The following TTN variants were observed in gnomAD, a reference collection of about 807,000 sequenced individuals.
The protein encoded by TTN is titin, also known as connectin.
In TTN, 1,525 loss-of-function variants were observed where a neutral mutation model predicts 3,223.0. The ratio of observed to expected loss-of-function variants is 0.47; its 90% CI spans 0.45 to 0.49. TTN has a LOEUF of 0.49. Ranked by LOEUF, TTN falls within the 20% of genes least tolerant of loss-of-function variation. The pLI, the probability that TTN is intolerant of heterozygous loss-of-function variation, is 0.00. For missense variants in TTN, 40,786 were observed against 43,424.0 expected (o/e 0.94, Z 5.40); for synonymous variants, 14,094 against 15,161.0 (o/e 0.93, Z 5.17).
intron 111 of TTN, 95 bp from the exon 112 acceptor site, chr2:178,699,009 T>A: frequency 1.6e-6 from 2 of 1,234,298 alleles, no homozygotes; most frequent in East Asian, 2.6e-5. Context: ...TGAAATATTT[T>A]ATTTTTCCAT....
chr2:178,740,172 T>C lies in TTN; in HGVS notation c.13061A>G (p.Asp4354Gly). Residue 4354 changes from aspartate to glycine, a missense_variant, in exon 48 of 363, where the codon GAC (aspartate) becomes GGC (glycine). Transcript: ENST00000589042. The stretch of plus-strand genomic sequence containing the variant: ...CTCTCTTTTAGACTCAATGATTTGG[T>C]CTGGGGGCATCACCACGTTGTCAGA... ...EHSDNVVMPP[D>G]QIIESKREPV... 6.2e-7 allele frequency: 1 copy of C among 1,613,644 alleles called. No individual in the cohort carries two copies. The highest frequency in any genetic ancestry group is 8.5e-7 in the Non-Finnish European group (1 of 1,179,748).
chr2:178,754,236 T>C (rs1321120926), intron 46 of TTN, among the ~76,000 whole-genome samples: 1 of 152,104 alleles, frequency 6.6e-6, no homozygotes, highest in Non-Finnish European at 1.5e-5. Flanking sequence ...TGGATAACTC[T>C]GTAGCCTATA....
At chr2:178,609,086 AAT>A (rs1451722600) in intron 273 of TTN, 120 bp downstream of exon 273, 1 of 1,296,728 alleles carries the variant, frequency 7.7e-7, no homozygotes, top group African/African-American at 1.5e-5. Context: ...CAGCAGATAA[AAT>A]ATGATTGAGG....
chr2:178,625,503 A>G (rs928143642), intron 240 of TTN, 107 bp from the exon 241 acceptor site: 43 of 1,299,464 alleles, frequency 3.3e-5, no homozygotes, highest in Non-Finnish European at 4.2e-5. Flanking sequence ...AAGTTGTTTT[A>G]TAATCATCTA....
In TTN at chr2:178,547,389, G is replaced by A; in HGVS notation, c.94219+18C>T. On this transcript the variant is annotated intron_variant, in intron 339 of 362. Transcript: ENST00000589042. ...TTTAATAATAGAGACTTTGAAATAG[G>A]ATTTTTATTTTTCTTACCAAATGGA... is the stretch of plus-strand genomic sequence containing the variant. The A allele has an allele frequency of 6.3e-7, 1 of 1,585,342 alleles. No individual in the cohort carries two copies. Among genetic ancestry groups the A allele is most frequent in the Non-Finnish European group, 8.6e-7 (1 of 1,165,846 alleles).
At position 178,533,631 on chromosome 2, in the gene TTN, G is replaced by A. The variant is rs541125667; in HGVS notation, c.102984C>T (p.Asp34328=). 77 of 1,613,806 alleles carry A rather than the reference G, an allele frequency of 4.8e-5. No homozygotes were observed. Among genetic ancestry groups the A allele is most frequent in the Admixed American group, 8.3e-5 (5 of 59,978 alleles). ...LTINSVTTDD[D]AEYTVVARNK... is the part of the protein sequence containing the mutation. ...TCCTTGCCACAACAGTATATTCAGCGTCATCATCTGTAGTGACACTGTTGA... is the reference window on the plus strand; with the variant it reads ...TCCTTGCCACAACAGTATATTCAGCATCATCATCTGTAGTGACACTGTTGA... The change falls in exon 358 of 363, where the codon GAC becomes GAT. Residue 34328 remains aspartate (D), a synonymous_variant. Coordinates refer to ENST00000589042, the MANE Select transcript of TTN (RefSeq NM_001267550.2).
At position 178,671,945 on chromosome 2, in the gene TTN, T is replaced by G. The variant is rs1158566065; in HGVS notation, c.35227+26A>C. The G allele has an allele frequency of 1.9e-6, 3 of 1,575,772 alleles. No homozygotes were observed. The South Asian group carries it at 3.6e-5, about 19-fold the overall frequency. ...AAAGTTAGAGCAAGATATAAGAATT[T>G]GTAGTATTTGAAGAATTCCCTATAC... On this transcript the variant is annotated intron_variant, in intron 155 of 362. Coordinates refer to ENST00000589042, the MANE Select transcript of TTN (RefSeq NM_001267550.2).
chr2:178,615,565 C>T, intron 258 of TTN, 76 bp downstream of exon 258: 1 of 1,609,392 alleles, frequency 6.2e-7, no homozygotes, highest in Non-Finnish European at 8.5e-7. Flanking sequence ...CTGCCTTGCC[C>T]CATAACTTCA....
At position 178,577,036 on chromosome 2, in the gene TTN, A is replaced by G; in HGVS notation, c.69299T>C (p.Val23100Ala). 1 of 1,613,504 alleles carries G rather than the reference A, an allele frequency of 6.2e-7. No homozygotes were observed. Among genetic ancestry groups the G allele is most frequent in the Non-Finnish European group, 8.5e-7 (1 of 1,179,574 alleles). ...VSEDIQSCRH[V>A]ATKLIQGNEY... Reference sequence around the variant, plus strand: ...ATTTCCTTGGATAAGTTTGGTTGCCACATGCCTGCAAGACTGAATATCTTC... The same window carrying G: ...ATTTCCTTGGATAAGTTTGGTTGCCGCATGCCTGCAAGACTGAATATCTTC... Residue 23100 changes from valine to alanine, a missense_variant, in exon 324 of 363, where the codon GTG becomes GCG. Coordinates refer to ENST00000589042, the MANE Select transcript of TTN (RefSeq NM_001267550.2).
chr2:178,561,277 T>A lies in TTN; in HGVS notation c.84855A>T (p.Thr28285=). ...KPHYDGGAKI[T]GYIVERRELP... ...GTTCTCTGCGTTCAACAATGTATCC[T>A]GTGATCTTAGCTCCACCATCATAAT... Residue 28285 remains threonine (T), a synonymous_variant, in exon 326 of 363, where the codon ACA becomes ACT. Transcript: ENST00000589042. The A allele has an allele frequency of 6.2e-7, 1 of 1,613,832 alleles. No individual in the cohort carries two copies. Among genetic ancestry groups the A allele is most frequent in the Admixed American group, 1.7e-5 (1 of 60,012 alleles).
rs1202126471 is a variant in TTN at position 178,620,226 on chromosome 2, T to A, written c.46295A>T (p.Glu15432Val). The A allele has an allele frequency of 1.3e-6, 2 of 1,536,842 alleles. No homozygotes were observed. Among genetic ancestry groups the A allele is most frequent in the African/African-American group, 2.8e-5 (2 of 71,982 alleles). ...AAAAGATCTTGCTTACTTTTTGCCT[T>A]CTTTGATTTCTCTCCCATTTCTGTA... ...KWYRNGREIK[E>V]GKKYKFEKDG... Residue 15432 changes from glutamate to valine, a missense_variant, in exon 248 of 363, where the codon GAA (glutamate) becomes GTA (valine). By Grantham distance (121) the Glu-to-Val change is moderately radical. Coordinates refer to ENST00000589042, the MANE Select transcript of TTN (RefSeq NM_001267550.2).
Position 178,562,589 on chromosome 2 carries a change from A to G in TTN, c.83543T>C (p.Ile27848Thr), listed in dbSNP as rs397517723. ...FRVLASNEYG[I>T]GLPAETTEPV... ...TTCTGTTGTTTCAGCTGGCAAACCA[A>G]TCCCATATTCATTGGAAGCCAAGAC... The change falls in exon 326 of 363, where the codon ATT becomes ACT. Residue 27848 changes from isoleucine to threonine, a missense_variant. Physicochemically the swap from Ile to Thr is moderately conservative, Grantham distance 89 (BLOSUM62 -1). Transcript: ENST00000589042. 3.7e-6 allele frequency: 6 copies of G among 1,611,090 alleles called. No homozygotes were observed. Among genetic ancestry groups the G allele is most frequent in the Non-Finnish European group, 5.1e-6 (6 of 1,178,868 alleles).
intron 22 of TTN, chr2:178,779,798 A>AC (rs1212898097): frequency 3.4e-6 from 2 of 591,272 alleles, no homozygotes; most frequent in African/African-American, 3.7e-5. Context: ...TTAAAGTCAC[A>AC]TTTATGGCCT....
chr2:178,582,000 A>G lies in TTN; in HGVS notation c.66369T>C (p.Gly22123=). 2 of 1,613,312 alleles carry G rather than the reference A, an allele frequency of 1.2e-6. No homozygotes were observed. Among genetic ancestry groups the G allele is most frequent in the Non-Finnish European group, 1.7e-6 (2 of 1,179,482 alleles). ...RTLKATGLQE[G]TEYEFRVTAI... ...CTGTAACACGGAACTCATATTCGGTACCTTCTTGAAGACCTGTTGCTTTTA... is the reference window on the plus strand; with the variant it reads ...CTGTAACACGGAACTCATATTCGGTGCCTTCTTGAAGACCTGTTGCTTTTA... The change falls in exon 315 of 363, where the codon GGT becomes GGC. Residue 22123 remains glycine, a synonymous_variant. Coordinates refer to ENST00000589042, the MANE Select transcript of TTN (RefSeq NM_001267550.2).
In TTN at chr2:178,528,926, T is replaced by C. The variant is rs573508906; in HGVS notation, c.106825A>G (p.Ile35609Val). 2 of 1,614,046 alleles carry C rather than the reference T, an allele frequency of 1.2e-6. No homozygotes were observed. Among genetic ancestry groups the C allele is most frequent in the South Asian group, 1.1e-5 (1 of 91,086 alleles). ...ASEEVRTHAE[I>V]KAFSTQMSIN... ...CTCATCTGAGTAGAAAATGCTTTAA[T>C]CTCAGCATGAGTTCTGACTTCTTCT... Residue 35609 changes from isoleucine (I) to valine (V), a missense_variant, in exon 360 of 363, where the codon ATT becomes GTT. Transcript: ENST00000589042.
Position 178,594,651 on chromosome 2 carries a change from G to A in TTN, c.57848-5C>T, listed in dbSNP as rs764245090. On this transcript the variant is annotated splice_region_variant and splice_polypyrimidine_tract_variant and intron_variant, in intron 295 of 362. Transcript: ENST00000589042. ...CTTCAGGACGCTCTGGTACAGCTGC[G>A]AATATAAGTATAGGAATTGTGGTAG... The A allele has an allele frequency of 2.0e-5, 31 of 1,584,270 alleles. No individual in the cohort carries two copies. The highest frequency in any genetic ancestry group is 8.1e-5 in the South Asian group (7 of 86,326).
chr2:178,776,506 A>T lies in TTN; in HGVS notation c.5358T>A (p.Asp1786Glu). ...TAACAATAAGGGTAGCAGATGTGTG[A>T]TCTGTTCCATATTTGTTAGTGGCTC... Reference protein sequence around the residue: ...TCRATNKYGTDHTSATLIVKD... With the variant: ...TCRATNKYGTEHTSATLIVKD... Residue 1786 changes from aspartate (D) to glutamate (E), a missense_variant, in exon 28 of 363, where the codon GAT becomes GAA. Coordinates refer to ENST00000589042, the MANE Select transcript of TTN (RefSeq NM_001267550.2). 6.2e-7 allele frequency: 1 copy of T among 1,608,708 alleles called. No individual in the cohort carries two copies. Among genetic ancestry groups the T allele is most frequent in the Non-Finnish European group, 8.5e-7 (1 of 1,179,956 alleles).
At position 178,795,060 on chromosome 2, in the gene TTN, C is replaced by A; in HGVS notation, c.1107G>T (p.Gln369His). Residue 369 changes from glutamine to histidine, a missense_variant, in exon 7 of 363, where the codon CAG becomes CAT. By Grantham distance (24) the Gln-to-His change is conservative. Transcript: ENST00000589042. Reference sequence around the variant, plus strand: ...CTTCCCATCTCTCTTCTGTCCTGATCTGAGTAGAGGTTGTCAGCGTTGTCT... The same window carrying A: ...CTTCCCATCTCTCTTCTGTCCTGATATGAGTAGAGGTTGTCAGCGTTGTCT... The part of the protein sequence containing the change: ...MRETTLTTST[Q>H]IRTEERWEGR... 6.2e-7 allele frequency: 1 copy of A among 1,613,862 alleles called. No individual in the cohort carries two copies. The highest frequency in any genetic ancestry group is 8.5e-7 in the Non-Finnish European group (1 of 1,180,006).
At chr2:178,796,039 G>A (rs1236373006) in intron 6 of TTN, among the ~76,000 whole-genome samples, 1 of 152,158 alleles carries the variant, frequency 6.6e-6, no homozygotes, top group Non-Finnish European at 1.5e-5. Context: ...AATTGATAAA[G>A]TTGCTTCTTC....
Sources: allele counts gnomAD v4.1 joint callset (sites outside exome capture counted in the v4.1 genomes callset), GRCh38; gene constraint gnomAD v4.1.1; transcripts MANE v1.5; gene names NCBI Gene and HGNC (gene_info 2026-07-23, HGNC 2026-07-21).